The following ERG variants were observed in gnomAD, a reference collection of about 807,000 sequenced individuals.
The protein encoded by ERG is ETS transcription factor ERG, also known as transcriptional regulator ERG.
A neutral mutation model predicts 55.3 loss-of-function variants in ERG; 9 were observed. That is an observed-to-expected ratio of 0.16 (90% CI 0.10 to 0.28). The LOEUF is 0.28. Ranked by LOEUF, ERG falls within the 10% of genes least tolerant of loss-of-function variation. The pLI, the probability that ERG is intolerant of heterozygous loss-of-function variation, is 1.00. For missense variants in ERG, 434 were observed against 631.6 expected, an observed-to-expected ratio of 0.69 and a Z score of 3.35; for synonymous variants, 223 against 237.3, an observed-to-expected ratio of 0.94 and a Z score of 0.55.
chr21:38,493,634 G>A (rs923049055), intron 1 of ERG, among the ~76,000 whole-genome samples: 4 of 152,222 alleles, frequency 2.6e-5, no homozygotes, highest in Middle Eastern at 3.2e-3. Flanking sequence ...CCAGGAGCAC[G>A]ATGCAGTCAT....
chr21:38,591,881 G>T (rs1020793313), intron 1 of ERG, among the ~76,000 whole-genome samples: 16 of 152,164 alleles, frequency 1.1e-4, no homozygotes, highest in Admixed American at 1.3e-4. Context: ...TGAAAAGAAG[G>T]TTTATCTTAT....
rs181084412 is a variant in ERG, at chr21:38,474,524, C to T, written c.18+23839G>A. ...ACCAAAGGCTCAGACTTTCACCCTG[C>T]CTCTCTTCTCCTCAACTCTTTGCCC... On this transcript the variant is annotated intron_variant, in intron 1 of 9. Coordinates refer to ENST00000288319, the MANE Select transcript of ERG (RefSeq NM_182918.4). 5.8e-4 allele frequency among the ~76,000 whole-genome samples: 89 copies of T among 152,272 alleles called. 2 individuals are homozygous for T. The South Asian group carries it at 0.014, about 25-fold the overall frequency.
At chr21:38,614,590 C>T (rs1028438123) in intron 1 of ERG, among the ~76,000 whole-genome samples, 6 of 152,198 alleles carry the variant, frequency 3.9e-5, no homozygotes, top group African/African-American at 1.2e-4. Context: ...ACCCTGGGAC[C>T]ATGCAGATGA....
At chr21:38,589,297 C>T (rs1484466624), upstream of ERG, among the ~76,000 whole-genome samples, 1 of 152,226 alleles carries the variant, frequency 6.6e-6, no homozygotes, top group Non-Finnish European at 1.5e-5. Flanking sequence ...CAGCAGCAGC[C>T]GTCCATCCCC....
At chr21:38,495,267 C>T (rs2146685665) in intron 1 of ERG, among the ~76,000 whole-genome samples, 1 of 152,316 alleles carries the variant, frequency 6.6e-6, no homozygotes, top group African/African-American at 2.4e-5. Context: ...ATAATGCAAG[C>T]TTTATGTCTT....
At chr21:38,489,132 C>G (rs556005438) in intron 1 of ERG, among the ~76,000 whole-genome samples, 84 of 152,178 alleles carry the variant, frequency 5.5e-4, no homozygotes, top group Non-Finnish European at 1.0e-3. Flanking sequence ...TGTCTACAAA[C>G]CCTTTATCCT....
downstream of ERG, among the ~76,000 whole-genome samples, chr21:38,376,720 T>C (rs1987252655): frequency 6.6e-6 from 1 of 152,264 alleles, no homozygotes; most frequent in Non-Finnish European, 1.5e-5. Context: ...GGCCGCTGTA[T>C]GGTGGGTCTC....
chr21:38,633,129 A>G (rs1428719256), intron 1 of ERG, among the ~76,000 whole-genome samples: 1 of 152,248 alleles, frequency 6.6e-6, no homozygotes, highest in Non-Finnish European at 1.5e-5. Context: ...AGCCACAAAA[A>G]AAAGATAAAT....
chr21:38,608,005 T>C (rs1014383661), intron 1 of ERG, among the ~76,000 whole-genome samples: 1 of 152,164 alleles, frequency 6.6e-6, no homozygotes, highest in African/African-American at 2.4e-5. Flanking sequence ...GAGATTGGGA[T>C]AGGCAGCATA....
At chr21:38,534,119 A>T (rs989358772) in intron 2 of ERG, among the ~76,000 whole-genome samples, 2 of 152,182 alleles carry the variant, frequency 1.3e-5, no homozygotes, top group African/African-American at 4.8e-5. Context: ...CCTGCTGGAC[A>T]GCTCCTTGAC....
chr21:38,472,290 C>T (rs1044669932), intron 1 of ERG, among the ~76,000 whole-genome samples: 1 of 152,156 alleles, frequency 6.6e-6, no homozygotes, highest in African/African-American at 2.4e-5. Flanking sequence ...ATACTGCATG[C>T]CAGCACTCTA....
In ERG at chr21:38,470,617, T is replaced by C. The variant is rs143597826; in HGVS notation, c.19-24996A>G. On this transcript the variant is annotated intron_variant, in intron 1 of 9. Coordinates refer to ENST00000288319, the MANE Select transcript of ERG (RefSeq NM_182918.4). ...AAGTCTAGTTCACTCTGCACTGGTA[T>C]CTCTTTTCTTCCATATTTACATTTT... Among the ~76,000 whole-genome samples the C allele has an allele frequency of 2.4e-3, 361 of 152,346 alleles. 4 individuals carry two copies. The highest frequency in any genetic ancestry group is 8.4e-3 in the African/African-American group (350 of 41,574).
intron 1 of ERG, among the ~76,000 whole-genome samples, chr21:38,654,027 G>A (rs1398579668): frequency 6.6e-6 from 1 of 152,146 alleles, no homozygotes; most frequent in African/African-American, 2.4e-5. Context: ...ACTTACCTTT[G>A]GTTTTACAAT....
chr21:38,607,605 C>T (rs1325673894), intron 1 of ERG, among the ~76,000 whole-genome samples: 1 of 151,898 alleles, frequency 6.6e-6, no homozygotes, highest in Admixed American at 6.6e-5. Context: ...CACCACTGCA[C>T]TCCAGCCTGG....
At chr21:38,618,842 A>G (rs1008654125) in intron 1 of ERG, among the ~76,000 whole-genome samples, 1 of 152,186 alleles carries the variant, frequency 6.6e-6, no homozygotes, top group African/African-American at 2.4e-5. Flanking sequence ...CCTCTGTTTC[A>G]TCAACTATCA....
At chr21:38,631,388 G>C (rs999683588) in intron 1 of ERG, among the ~76,000 whole-genome samples, 3 of 152,146 alleles carry the variant, frequency 2.0e-5, no homozygotes, top group African/African-American at 7.2e-5. Context: ...GGAAGAATCA[G>C]TAACACTAAA....
At chr21:38,377,414 T>C (rs1987272713), downstream of ERG, among the ~76,000 whole-genome samples, 1 of 152,218 alleles carries the variant, frequency 6.6e-6, no homozygotes, top group East Asian at 1.9e-4. Context: ...CCTGATGCCA[T>C]AGAAAAGAAG....
At chr21:38,513,766 A>G (rs1380111016) in intron 2 of ERG, among the ~76,000 whole-genome samples, 1 of 152,176 alleles carries the variant, frequency 6.6e-6, no homozygotes, top group African/African-American at 2.4e-5. Flanking sequence ...AAAAACCCAA[A>G]GAAAGAAGAA....
rs1207592011 is a variant in ERG, at chr21:38,429,546, T to C, written c.237-5985A>G. ...GTATGCACATGTACATATATACATA[T>C]GTGTATATGTACATGTATACACATG... On this transcript the variant is annotated intron_variant, in intron 2 of 9. Transcript: ENST00000288319. Among the ~76,000 whole-genome samples the C allele has an allele frequency of 1.8e-4, 11 of 62,716 alleles. 5 individuals are homozygous for C. The highest frequency in any genetic ancestry group is 4.9e-4 in the African/African-American group (11 of 22,310). The allele number at this position is 62,716 out of a possible 152,430, so 41.1% of individuals were successfully genotyped here. A position where few individuals can be genotyped will look rare whatever the true frequency, so the allele number is the denominator to read the frequency against.
Sources: allele counts gnomAD v4.1 joint callset (sites outside exome capture counted in the v4.1 genomes callset), GRCh38; gene constraint gnomAD v4.1.1; transcripts MANE v1.5; gene names NCBI Gene and HGNC (gene_info 2026-07-23, HGNC 2026-07-21).